The following PEX5L variants were observed in gnomAD, a reference collection of about 807,000 sequenced individuals.
PEX5L encodes the protein peroxisomal biogenesis factor 5 like.
A neutral mutation model predicts 84.0 loss-of-function variants in PEX5L; 30 were observed. The ratio of observed to expected loss-of-function variants is 0.36; its 90% CI spans 0.27 to 0.48. The LOEUF (loss-of-function observed/expected upper bound fraction) is 0.48, where lower values mean the gene tolerates loss of function less well. Among genes scored for constraint, PEX5L ranks in the 20% least tolerant of loss-of-function variants. The pLI is 0.99. For synonymous variants in PEX5L, 270 were observed against 283.1 expected (o/e 0.95, Z 0.46); for missense variants, 533 against 754.6 (o/e 0.71, Z 3.44).
At chr3:179,938,545 A>G (rs1028687229) in intron 2 of PEX5L, among the ~76,000 whole-genome samples, 4 of 152,232 alleles carry the variant, frequency 2.6e-5, no homozygotes, top group African/African-American at 9.6e-5. Context: ...GTCTGCATCC[A>G]TCCACTGGGG....
intron 8 of PEX5L, among the ~76,000 whole-genome samples, chr3:179,852,802 T>G (rs1742415080): frequency 6.6e-6 from 1 of 152,190 alleles, no homozygotes; most frequent in Non-Finnish European, 1.5e-5. Context: ...GTGAAAACAT[T>G]GCTTAAAAGG....
intron 2 of PEX5L, among the ~76,000 whole-genome samples, chr3:179,916,596 A>T (rs936728674): frequency 1.3e-5 from 2 of 152,042 alleles, no homozygotes; most frequent in Non-Finnish European, 2.9e-5. Flanking sequence ...TATACAAAAA[A>T]TTTTTCTTTC....
At chr3:179,936,306 C>T (rs1774583355) in intron 2 of PEX5L, among the ~76,000 whole-genome samples, 1 of 152,052 alleles carries the variant, frequency 6.6e-6, no homozygotes, top group Non-Finnish European at 1.5e-5. Flanking sequence ...GTGCAATATA[C>T]TAATATATGT....
intron 2 of PEX5L, among the ~76,000 whole-genome samples, chr3:179,925,556 A>C (rs1385954972): frequency 6.6e-6 from 1 of 152,258 alleles, no homozygotes; most frequent in Non-Finnish European, 1.5e-5. Flanking sequence ...ATATCTGCAT[A>C]ATAATATTCA....
Position 179,920,046 on chromosome 3 carries a change from C to A in PEX5L, c.94-21800G>T, listed in dbSNP as rs1239677835. Among the ~76,000 whole-genome samples the A allele has an allele frequency of 2.0e-5, 3 of 152,186 alleles. No individual in the cohort carries two copies. In the East Asian group the frequency reaches 5.8e-4, roughly 29 times the overall value. On this transcript the variant is annotated intron_variant, in intron 2 of 14. Coordinates refer to ENST00000467460, the MANE Select transcript of PEX5L (RefSeq NM_016559.3). ...GTTAAGTTTAGAAGTGCTTGCCTTT[C>A]TTAACTCTGTGCAGAGACACCTGGC...
In PEX5L at chr3:179,880,013, C is replaced by T. The variant is rs1411331150; in HGVS notation, c.421G>A (p.Ala141Thr). ...GTGCTGATGAGGTCAGATCCATCGG[C>T]CTTTTTCTTGAGGGATGAGGTTTTT... ...SSKTSSLKKKADGSDLISTDA... is the reference protein window; with the variant it reads ...SSKTSSLKKKTDGSDLISTDA... Residue 141 changes from alanine (A) to threonine (T), a missense_variant, in exon 5 of 15, where the codon GCC becomes ACC. By Grantham distance (58) the Ala-to-Thr change is moderately conservative (BLOSUM62 0). This residue lies in a region of PEX5L where 259 missense variants were observed against 301.7 expected (regional missense o/e 0.86). Transcript: ENST00000467460. 1.2e-6 allele frequency: 2 copies of T among 1,613,932 alleles called. No homozygotes were observed. Among genetic ancestry groups the T allele is most frequent in the African/African-American group, 2.7e-5 (2 of 74,908 alleles).
intron 2 of PEX5L, among the ~76,000 whole-genome samples, chr3:179,943,525 T>C (rs1776714432): frequency 6.6e-6 from 1 of 152,252 alleles, no homozygotes; most frequent in African/African-American, 2.4e-5. Context: ...CATGTCCAAT[T>C]AGTCGAATCC....
At chr3:179,811,145 G>A (rs570770913) in intron 11 of PEX5L, among the ~76,000 whole-genome samples, 1 of 151,954 alleles carries the variant, frequency 6.6e-6, no homozygotes, top group African/African-American at 2.4e-5. Flanking sequence ...ATATTCCAAA[G>A]CTATAGGATT....
intron 9 of PEX5L, among the ~76,000 whole-genome samples, chr3:179,816,744 T>A (rs1037299806): frequency 2.0e-5 from 3 of 152,136 alleles, no homozygotes; most frequent in African/African-American, 7.2e-5. Context: ...AATAAACAAT[T>A]TTAAATTAAA....
intron 2 of PEX5L, among the ~76,000 whole-genome samples, chr3:179,954,904 C>T (rs1292643488): frequency 6.6e-6 from 1 of 151,924 alleles, no homozygotes; most frequent in Admixed American, 6.6e-5. Context: ...TCCCCCTTAC[C>T]CCACTTACAA....
At chr3:179,906,746 T>C (rs1763354678) in intron 2 of PEX5L, among the ~76,000 whole-genome samples, 1 of 152,104 alleles carries the variant, frequency 6.6e-6, no homozygotes, top group Admixed American at 6.5e-5. Flanking sequence ...TAAAGGAAAA[T>C]GACTAAAATA....
intron 8 of PEX5L, among the ~76,000 whole-genome samples, chr3:179,846,573 T>C (rs1414815116): frequency 6.6e-6 from 1 of 152,218 alleles, no homozygotes; most frequent in Non-Finnish European, 1.5e-5. Flanking sequence ...ACATTATTTC[T>C]GGGTGTGCTT....
At chr3:179,860,820 C>G (rs544234549) in intron 7 of PEX5L, among the ~76,000 whole-genome samples, 20 of 152,304 alleles carry the variant, frequency 1.3e-4, no homozygotes, top group Non-Finnish European at 2.1e-4. Context: ...GAGCTTAATT[C>G]GCTTGCCCAA....
At chr3:179,806,825 C>CA (rs1721481836) in intron 14 of PEX5L, among the ~76,000 whole-genome samples, 1 of 152,110 alleles carries the variant, frequency 6.6e-6, no homozygotes, top group African/African-American at 2.4e-5. Flanking sequence ...ACCAGAGTCA[C>CA]AAAACCGGTA....
chr3:179,960,046 AT>A (rs761046243), intron 2 of PEX5L, among the ~76,000 whole-genome samples: 1 of 151,680 alleles, frequency 6.6e-6, no homozygotes, highest in Non-Finnish European at 1.5e-5. Flanking sequence ...TGTTTTGCTT[AT>A]TTTTTTTCTC....
chr3:179,969,567 A>G (rs1403314903), intron 2 of PEX5L, among the ~76,000 whole-genome samples: 2 of 152,132 alleles, frequency 1.3e-5, no homozygotes, highest in African/African-American at 2.4e-5. Context: ...ACTTTGAGAT[A>G]TCAACATTGT....
chr3:180,024,544 C>CAAAAAAAAAAA (rs59981273), intron 1 of PEX5L, among the ~76,000 whole-genome samples: 1 of 107,206 alleles, frequency 9.3e-6, no homozygotes, highest in Non-Finnish European at 2.0e-5. Context: ...GACTCCGTTT[C>CAAAAAAAAAAA]AAAAAAAAAA....
At chr3:179,978,761 C>A (rs1786041906) in intron 1 of PEX5L, among the ~76,000 whole-genome samples, 2 of 152,144 alleles carry the variant, frequency 1.3e-5, no homozygotes, top group Non-Finnish European at 2.9e-5. Flanking sequence ...GAACTATATT[C>A]TCACCATTAA....
At chr3:180,015,572 C>G (rs989826421) in intron 1 of PEX5L, among the ~76,000 whole-genome samples, 3 of 151,966 alleles carry the variant, frequency 2.0e-5, no homozygotes, top group Non-Finnish European at 4.4e-5. Context: ...AGCAGTATCC[C>G]TGATGTCTAA....
Sources: allele counts gnomAD v4.1 joint callset (sites outside exome capture counted in the v4.1 genomes callset), GRCh38; gene constraint gnomAD v4.1.1; regional missense constraint gnomAD v4.1.1; transcripts MANE v1.5; gene names NCBI Gene and HGNC (gene_info 2026-07-23, HGNC 2026-07-21).